TRIM69: variants seen among roughly 807,000 people sequenced by gnomAD.
TRIM69 encodes tripartite motif containing 69.
In TRIM69, 29 loss-of-function variants were observed where a neutral mutation model predicts 37.7. The ratio of observed to expected loss-of-function variants is 0.77; its 90% CI spans 0.57 to 1.05. TRIM69 has a LOEUF of 1.05. TRIM69 is among the 50% of genes least tolerant of loss of function. The pLI is 0.00. For missense variants in TRIM69, 596 were observed against 579.9 expected (o/e 1.03, Z -0.28); for synonymous variants, 209 against 212.4 (o/e 0.98, Z 0.14).
At chr15:44,747,629 A>C (rs2087436776) in intron 1 of TRIM69, among the ~76,000 whole-genome samples, 1 of 152,210 alleles carries the variant, frequency 6.6e-6, no homozygotes, top group Non-Finnish European at 1.5e-5. Context: ...TTGAAAGGCA[A>C]CATTCAAAGA....
At chr15:44,737,736 T>C (rs1419322811) in intron 1 of TRIM69, among the ~76,000 whole-genome samples, 1 of 152,234 alleles carries the variant, frequency 6.6e-6, no homozygotes, top group Non-Finnish European at 1.5e-5. Flanking sequence ...AAGCTGGCTG[T>C]GCTATATAGT....
At chr15:44,736,829 T>G in intron 1 of TRIM69, 119 bp downstream of exon 1, 1 of 1,206,754 alleles carries the variant, frequency 8.3e-7, no homozygotes, top group Non-Finnish European at 1.2e-6. Flanking sequence ...GGGAAGTATT[T>G]AACTTGTGAC....
chr15:44,755,455 C>A, intron 2 of TRIM69, 79 bp downstream of exon 2: 1 of 1,025,464 alleles, frequency 9.8e-7, no homozygotes, highest in Non-Finnish European at 1.5e-6. Context: ...TTTCTTCCAA[C>A]CCCATCCCTT....
intron 6 of TRIM69, among the ~76,000 whole-genome samples, chr15:44,763,004 T>G (rs2141148637): frequency 6.6e-6 from 1 of 152,312 alleles, no homozygotes; most frequent in East Asian, 1.9e-4. Flanking sequence ...CCATCCTCAC[T>G]TTTCTCTATT....
At chr15:44,751,176 C>T (rs144035536) in intron 1 of TRIM69, among the ~76,000 whole-genome samples, 19 of 151,326 alleles carry the variant, frequency 1.3e-4, no homozygotes, top group African/African-American at 4.4e-4. Context: ...AGTACAATGG[C>T]ACGATCTCAG....
intron 6 of TRIM69, among the ~76,000 whole-genome samples, chr15:44,761,760 CGGCTG>C (rs1422823351): frequency 1.3e-5 from 2 of 152,256 alleles, no homozygotes; most frequent in Admixed American, 1.3e-4. Flanking sequence ...CCGTGGTGCC[CGGCTG>C]CATATCCCTA....
intron 1 of TRIM69, among the ~76,000 whole-genome samples, chr15:44,741,828 G>T (rs2087293647): frequency 1.3e-5 from 2 of 152,158 alleles, no homozygotes; most frequent in South Asian, 4.1e-4. Context: ...ATAATCAATA[G>T]CTTACCAACC....
chr15:44,759,511 G>C (rs2087726888), intron 4 of TRIM69, 129 bp from the exon 5 acceptor site: 5 of 856,218 alleles, frequency 5.8e-6, no homozygotes, highest in Non-Finnish European at 9.4e-6. Flanking sequence ...AGTGTATGAA[G>C]GATGAAAGAA....
chr15:44,738,653 T>C (rs937970362), intron 1 of TRIM69, among the ~76,000 whole-genome samples: 2 of 152,180 alleles, frequency 1.3e-5, no homozygotes, highest in African/African-American at 2.4e-5. Context: ...ACAAAACATA[T>C]TGATGGGCTC....
At chr15:44,742,327 AAG>A (rs368798613) in intron 1 of TRIM69, among the ~76,000 whole-genome samples, 105,423 of 125,140 alleles carry the variant, frequency 0.84, 44,471 homozygotes, top group Middle Eastern at 0.94. Context: ...TCAAAATAAT[AAG>A]AGCTATCTAT....
At position 44,767,053 on chromosome 15, in the gene TRIM69, CAAAAAAAAAAAAAA is replaced by C. The variant is rs55736812; in HGVS notation, c.962-160_962-147del. On this transcript the variant is annotated intron_variant, in intron 6 of 6. Transcript: ENST00000329464. ...CAGCCCTGGGCAACCTTGTCTGCCTCAAAAAAAAAAAAAAAAAAAAAAAAAAAAAAAGCATATAA... is the reference window on the plus strand; with the variant it reads ...CAGCCCTGGGCAACCTTGTCTGCCTCAAAAAAAAAAAAAAAAAGCATATAA... Among the ~76,000 whole-genome samples, 15 of 24,316 alleles carry C rather than the reference CAAAAAAAAAAAAAA, an allele frequency of 6.2e-4. 1 individual carries two copies. In the East Asian group the frequency reaches 9.5e-3, roughly 15 times the overall value. 16.0% of individuals were successfully genotyped at this position (24,316 alleles called of 152,430 possible).
At chr15:44,760,859 G>A (rs1186689311) in intron 6 of TRIM69, among the ~76,000 whole-genome samples, 1 of 150,884 alleles carries the variant, frequency 6.6e-6, no homozygotes, top group Non-Finnish European at 1.5e-5. Flanking sequence ...CTAAATTTTT[G>A]TCTAAGTGAT....
At chr15:44,765,243 G>A (rs944034125) in intron 6 of TRIM69, among the ~76,000 whole-genome samples, 4 of 152,148 alleles carry the variant, frequency 2.6e-5, no homozygotes, top group Non-Finnish European at 5.9e-5. Context: ...CTGACTCATG[G>A]GAATCTTCAG....
intron 1 of TRIM69, among the ~76,000 whole-genome samples, chr15:44,750,521 G>A (rs933646303): frequency 3.9e-5 from 6 of 151,942 alleles, no homozygotes; most frequent in African/African-American, 1.5e-4. Flanking sequence ...TTGTTCATTT[G>A]TTGGCATACA....
intron 1 of TRIM69, chr15:44,753,781 T>C (rs7166101): frequency 0.13 from 19,949 of 152,080 alleles, 1,518 homozygotes; most frequent in African/African-American, 0.2. Context: ...AGTGGAGTGA[T>C]CTCAGCTTAC....
chr15:44,741,052 CCA>C (rs2087272740), intron 1 of TRIM69, among the ~76,000 whole-genome samples: 1 of 150,254 alleles, frequency 6.7e-6, no homozygotes, highest in Non-Finnish European at 1.5e-5. Context: ...CCAAAATTGA[CCA>C]CATAGTTGGA....
At chr15:44,761,402 T>A (rs1484083672) in intron 6 of TRIM69, among the ~76,000 whole-genome samples, 1 of 152,246 alleles carries the variant, frequency 6.6e-6, no homozygotes, top group Non-Finnish European at 1.5e-5. Flanking sequence ...GTCAATCTTT[T>A]TAATTTAAAC....
rs771000401 is a variant in TRIM69 at position 44,759,750 on chromosome 15, T to G, written c.839T>G (p.Leu280Trp). ...TAAATGATTTATGTGCCCTGCAGCT[T>G]GGAGCAAGGAATGAAGGTGCTGGCA... is the stretch of plus-strand genomic sequence containing the variant. ...LKDITTLLHS[L>W]EQGMKVLATR... The change falls in exon 6 of 7, where the codon TTG becomes TGG. Residue 280 changes from leucine (L) to tryptophan (W), a missense_variant and splice_region_variant. Physicochemically the swap from Leu to Trp is moderately conservative, Grantham distance 61 (BLOSUM62 -2). Coordinates refer to ENST00000329464, the MANE Select transcript of TRIM69 (RefSeq NM_182985.5). 2 of 1,614,066 alleles carry G rather than the reference T, an allele frequency of 1.2e-6. No homozygotes were observed. The highest frequency in any genetic ancestry group is 1.7e-6 in the Non-Finnish European group (2 of 1,180,030).
intron 3 of TRIM69, chr15:44,756,670 CT>C (rs2087655986): frequency 2.2e-6 from 1 of 445,916 alleles, no homozygotes; most frequent in Admixed American, 3.5e-5. Flanking sequence ...GCAGATTAAC[CT>C]TTCCCCTAAT....
Sources: allele counts gnomAD v4.1 joint callset (sites outside exome capture counted in the v4.1 genomes callset), GRCh38; gene constraint gnomAD v4.1.1; transcripts MANE v1.5; gene names NCBI Gene and HGNC (gene_info 2026-07-23, HGNC 2026-07-21).